Variants in MTDH observed in about 807,000 individuals in gnomAD.
The protein encoded by MTDH is protein LYRIC.
Under a neutral mutation model 72.7 loss-of-function variants are expected in MTDH, and 34 were observed. That is an observed-to-expected ratio of 0.47 (90% CI 0.36 to 0.62). The LOEUF (loss-of-function observed/expected upper bound fraction) is 0.62, where lower values mean the gene tolerates loss of function less well. Among genes scored for constraint, MTDH ranks in the 20% least tolerant of loss-of-function variants. The pLI is 0.00. For synonymous variants in MTDH, 266 were observed against 268.9 expected (o/e 0.99, Z 0.10); for missense variants, 677 against 699.4 (o/e 0.97, Z 0.36).
At chr8:97,645,829 C>T (rs1434213175) in intron 1 of MTDH, among the ~76,000 whole-genome samples, 6 of 152,170 alleles carry the variant, frequency 3.9e-5, no homozygotes, top group African/African-American at 1.4e-4. Flanking sequence ...CAAATTGAGA[C>T]TATGGAGGGT....
Position 97,644,453 on chromosome 8 carries a change from A to G in MTDH, c.-54A>G. 7.2e-6 allele frequency: 11 copies of G among 1,520,856 alleles called. No homozygotes were observed. The highest frequency in any genetic ancestry group is 8.8e-6 in the Non-Finnish European group (10 of 1,142,346). 94.2% of individuals were successfully genotyped at this position (1,520,856 alleles called of 1,614,324 possible). ...CTTCCTCGCTTCCCTCGACTATTCC[A>G]CTGCGTCTCCGCGCCCCGGCGTCAT... is the stretch of plus-strand genomic sequence containing the variant. On this transcript the variant is annotated 5_prime_UTR_variant, in exon 1 of 12. Transcript: ENST00000336273.
chr8:97,646,066 G>A (rs1231988705), intron 1 of MTDH, among the ~76,000 whole-genome samples: 1 of 152,150 alleles, frequency 6.6e-6, no homozygotes, highest in Non-Finnish European at 1.5e-5. Context: ...GTGTTAAAGA[G>A]GTTTTAACTG....
chr8:97,706,098 G>A (rs2131046559), intron 7 of MTDH, among the ~76,000 whole-genome samples: 1 of 152,252 alleles, frequency 6.6e-6, no homozygotes, highest in East Asian at 1.9e-4. Context: ...TATTTAAAAA[G>A]GGGGAGAAAA....
At chr8:97,710,732 G>GT (rs1563564476) in intron 8 of MTDH, among the ~76,000 whole-genome samples, 1 of 149,628 alleles carries the variant, frequency 6.7e-6, no homozygotes, top group Non-Finnish European at 1.5e-5. Flanking sequence ...GGGCGCGGTG[G>GT]TTCACGCCTG....
At chr8:97,719,271 G>C in intron 10 of MTDH, 82 bp downstream of exon 10, 1 of 1,419,262 alleles carries the variant, frequency 7.0e-7, no homozygotes, top group Admixed American at 2.1e-5. Context: ...AAGGTGGGCA[G>C]GTCATGAGGT....
intron 2 of MTDH, among the ~76,000 whole-genome samples, chr8:97,675,358 T>G (rs1812792297): frequency 6.7e-6 from 1 of 148,718 alleles, no homozygotes; most frequent in Admixed American, 6.7e-5. Flanking sequence ...GTCAGGAGTT[T>G]GAGACCAGCC....
chr8:97,718,608 C>A (rs549285423), intron 9 of MTDH, among the ~76,000 whole-genome samples: 2 of 150,824 alleles, frequency 1.3e-5, no homozygotes, highest in African/African-American at 4.9e-5. Flanking sequence ...GCAACCTTCA[C>A]CTCCCAGGCT....
Position 97,644,317 on chromosome 8 carries a change from C to T in MTDH, c.-190C>T, listed in dbSNP as rs1811468171. On this transcript the variant is annotated 5_prime_UTR_variant, in exon 1 of 12. Coordinates refer to ENST00000336273, the MANE Select transcript of MTDH (RefSeq NM_178812.4). Reference sequence around the variant, plus strand: ...GGCGGCGGCGGAGTGAGGCTGACAGCGGGGAACCTGGGAGACCCCTCCGCC... The same window carrying T: ...GGCGGCGGCGGAGTGAGGCTGACAGTGGGGAACCTGGGAGACCCCTCCGCC... 7 of 687,866 alleles carry T rather than the reference C, an allele frequency of 1.0e-5. No individual in the cohort carries two copies. The highest frequency in any genetic ancestry group is 2.2e-5 in the South Asian group (1 of 44,654). The allele number at this position is 687,866 out of a possible 1,614,324, so 42.6% of individuals were successfully genotyped here.
intron 7 of MTDH, among the ~76,000 whole-genome samples, chr8:97,705,037 G>C (rs562711459): frequency 3.5e-4 from 53 of 152,328 alleles, no homozygotes; most frequent in Admixed American, 8.5e-4. Flanking sequence ...AGTGGCTCAC[G>C]CCTGTAATCC....
chr8:97,644,479 C>T lies in MTDH; in HGVS notation c.-28C>T, dbSNP rs755950009. On this transcript the variant is annotated 5_prime_UTR_variant, in exon 1 of 12. Coordinates refer to ENST00000336273, the MANE Select transcript of MTDH (RefSeq NM_178812.4). ...CTGCGTCTCCGCGCCCCGGCGTCAT[C>T]CTGCGAGTCCCTCTGACGGGAGGGA... 74 of 1,542,384 alleles carry T rather than the reference C, an allele frequency of 4.8e-5. No individual in the cohort carries two copies. The highest frequency in any genetic ancestry group is 7.0e-5 in the African/African-American group (5 of 71,450).
At position 97,644,383 on chromosome 8, in the gene MTDH, AG is replaced by A. The variant is rs1811470921; in HGVS notation, c.-121del. On this transcript the variant is annotated 5_prime_UTR_variant, in exon 1 of 12. Transcript: ENST00000336273. ...GCGGCCGATCCCCGGCTCCGGCGCG[AG>A]GGACGGCCGCGATGCGCTCGGCCTG... 26 of 1,315,982 alleles carry A rather than the reference AG, an allele frequency of 2.0e-5. No homozygotes were observed. The highest frequency in any genetic ancestry group is 5.3e-4 in the Middle Eastern group (2 of 3,782). 81.5% of individuals were successfully genotyped at this position (1,315,982 alleles called of 1,614,324 possible). A position where few individuals can be genotyped will look rare whatever the true frequency, so the allele number is the denominator to read the frequency against.
chr8:97,686,830 T>A, intron 3 of MTDH, 78 bp downstream of exon 3: 1 of 968,668 alleles, frequency 1.0e-6, no homozygotes, highest in Non-Finnish European at 1.5e-6. Flanking sequence ...AAGCTGCATT[T>A]GTTTTACTTA....
Position 97,686,739 on chromosome 8 carries a change from G to A in MTDH, c.555G>A (p.Lys185=), listed in dbSNP as rs368949019. 20 of 1,594,026 alleles carry A rather than the reference G, an allele frequency of 1.3e-5. No homozygotes were observed. Among genetic ancestry groups the A allele is most frequent in the Admixed American group, 1.8e-5 (1 of 56,818 alleles). ...AVQNSSRHDG[K]EVDEGAWETK... ...AAAACAGTTCACGCCATGATGGAAAGGAAGTTGATGAAGGTACTTGAGCAA... is the reference window on the plus strand; with the variant it reads ...AAAACAGTTCACGCCATGATGGAAAAGAAGTTGATGAAGGTACTTGAGCAA... Residue 185 remains lysine (K), a synonymous_variant, in exon 3 of 12, where the codon AAG becomes AAA. Transcript: ENST00000336273.
chr8:97,681,018 T>C (rs751062884), intron 2 of MTDH, among the ~76,000 whole-genome samples: 2 of 152,172 alleles, frequency 1.3e-5, no homozygotes, highest in African/African-American at 2.4e-5. Context: ...ACCAAATCTT[T>C]TTCAGTTTTA....
chr8:97,669,767 T>C (rs1398058983), intron 2 of MTDH, among the ~76,000 whole-genome samples: 2 of 151,590 alleles, frequency 1.3e-5, no homozygotes, highest in Non-Finnish European at 2.9e-5. Context: ...AAATACAAAA[T>C]TAGCTGGGCA....
intron 2 of MTDH, among the ~76,000 whole-genome samples, chr8:97,684,956 C>G (rs1389470912): frequency 3.3e-5 from 5 of 152,136 alleles, no homozygotes; most frequent in African/African-American, 1.2e-4. Context: ...ATCCCAGCTA[C>G]TCGGGAGGCT....
At chr8:97,667,652 A>G (rs1423531302) in intron 2 of MTDH, among the ~76,000 whole-genome samples, 3 of 152,142 alleles carry the variant, frequency 2.0e-5, no homozygotes. Context: ...AGCTGGTAGT[A>G]TTTGTTGCAA....
intron 2 of MTDH, among the ~76,000 whole-genome samples, chr8:97,682,228 CTTTATATA>C (rs1265560255): frequency 5.0e-4 from 22 of 44,054 alleles, no homozygotes; most frequent in Admixed American, 9.4e-4. Context: ...TTGTTAATTA[CTTTATATA>C]TATATATATA....
In MTDH at chr8:97,661,078, G is replaced by T. The variant is rs1490354193; in HGVS notation, c.388G>T (p.Gly130Trp). Residue 130 changes from glycine (G) to tryptophan (W), a missense_variant, in exon 2 of 12, where the codon GGG becomes TGG. By Grantham distance (184) the Gly-to-Trp change is radical. This residue lies in a region of MTDH where 467 missense variants were observed against 469.1 expected (regional missense o/e 1.00). Transcript: ENST00000336273. ...CTTTTTGTTGCCTGTGCAGCCAAATGGGCGGACTGTTGAAGTGGCTGAGGG... is the reference window on the plus strand; with the variant it reads ...CTTTTTGTTGCCTGTGCAGCCAAATTGGCGGACTGTTGAAGTGGCTGAGGG... ...KKLSEKPKPN[G>W]RTVEVAEGEA... 2 of 1,612,442 alleles carry T rather than the reference G, an allele frequency of 1.2e-6. No individual in the cohort carries two copies. The highest frequency in any genetic ancestry group is 1.7e-6 in the Non-Finnish European group (2 of 1,179,002).
Sources: gnomAD v4.1 joint callset for allele counts (sites outside exome capture counted in the v4.1 genomes callset) on GRCh38, gnomAD v4.1.1 for gene constraint, gnomAD v4.1.1 regional missense constraint, MANE v1.5 for transcripts, NCBI Gene and HGNC (gene_info 2026-07-23, HGNC 2026-07-21) for gene names.